The following FARP1 variants were observed in gnomAD, a reference collection of about 807,000 sequenced individuals.
FARP1 encodes the protein FERM, ARH/RhoGEF and pleckstrin domain protein 1.
Under a neutral mutation model 128.8 loss-of-function variants are expected in FARP1, and 52 were observed. That is an observed-to-expected ratio of 0.40 (90% CI 0.32 to 0.51). The LOEUF (loss-of-function observed/expected upper bound fraction) is 0.51, where lower values mean the gene tolerates loss of function less well. Ranked by LOEUF, FARP1 falls within the 20% of genes least tolerant of loss-of-function variation. The probability of loss-of-function intolerance (pLI) is 0.45; values close to 1 mark genes in which losing one functional copy is unlikely to be tolerated. For missense variants in FARP1, 1,333 were observed against 1,367.9 expected (o/e 0.97, Z 0.40); for synonymous variants, 580 against 551.8 (o/e 1.05, Z -0.72).
intron 2 of FARP1, among the ~76,000 whole-genome samples, chr13:98,227,101 C>T (rs751031400): frequency 2.2e-4 from 34 of 152,154 alleles, no homozygotes; most frequent in Non-Finnish European, 4.4e-4. Flanking sequence ...CCACCATGCC[C>T]GGCTAAGTTC....
intron 1 of FARP1, among the ~76,000 whole-genome samples, chr13:98,198,490 G>A (rs548772390): frequency 9.2e-5 from 14 of 152,260 alleles, no homozygotes; most frequent in Admixed American, 4.6e-4. Context: ...CCGGTACTTT[G>A]GGAGGCTGAG....
intron 1 of FARP1, among the ~76,000 whole-genome samples, chr13:98,156,803 C>T (rs1439446012): frequency 6.6e-6 from 1 of 152,188 alleles, no homozygotes; most frequent in Non-Finnish European, 1.5e-5. Flanking sequence ...AAGCAATCCT[C>T]CTGCCTTGGC....
chr13:98,177,129 G>T (rs1407812476), intron 1 of FARP1: 1 of 1,604,254 alleles, frequency 6.2e-7, no homozygotes, highest in Non-Finnish European at 8.5e-7. Flanking sequence ...CGCAGGCCGG[G>T]CGCTTTCTGA....
chr13:98,384,854 A>C lies in FARP1; in HGVS notation c.611+10A>C. The C allele has an allele frequency of 1.9e-6, 3 of 1,548,712 alleles. No homozygotes were observed. Among genetic ancestry groups the C allele is most frequent in the Non-Finnish European group, 2.7e-6 (3 of 1,120,356 alleles). On this transcript the variant is annotated intron_variant, in intron 7 of 26. Coordinates refer to ENST00000319562, the MANE Select transcript of FARP1 (RefSeq NM_005766.4). ...TTCACCATAACCACATGTAAGTCTC[A>C]TTCTTGGCTTCATATTCCCTCTGAG...
At chr13:98,307,718 T>C (rs1487349074) in intron 2 of FARP1, among the ~76,000 whole-genome samples, 2 of 152,204 alleles carry the variant, frequency 1.3e-5, no homozygotes, top group Non-Finnish European at 2.9e-5. Context: ...CTGCTTTGTT[T>C]AGATCTTTGC....
intron 1 of FARP1, among the ~76,000 whole-genome samples, chr13:98,170,442 C>T (rs1198260681): frequency 3.3e-5 from 5 of 152,052 alleles, no homozygotes; most frequent in Non-Finnish European, 7.4e-5. Flanking sequence ...CTGCAGCCTC[C>T]ACCTCCCGGG....
intron 2 of FARP1, among the ~76,000 whole-genome samples, chr13:98,261,453 G>A (rs543571042): frequency 2.0e-5 from 3 of 151,784 alleles, no homozygotes; most frequent in South Asian, 4.2e-4. Context: ...TCCTCCCTTC[G>A]TTGACCAGAT....
At chr13:98,429,537 A>G (rs978977359) in intron 17 of FARP1, among the ~76,000 whole-genome samples, 2 of 151,980 alleles carry the variant, frequency 1.3e-5, no homozygotes, top group African/African-American at 4.9e-5. Context: ...TCTGGAGGAC[A>G]AATTGATAGG....
intron 17 of FARP1, among the ~76,000 whole-genome samples, chr13:98,425,945 A>G (rs985281577): frequency 2.0e-5 from 3 of 152,138 alleles, no homozygotes; most frequent in Non-Finnish European, 4.4e-5. Flanking sequence ...AATCTTCCTG[A>G]ATCTTAACTG....
At chr13:98,239,653 G>A (rs1009008415) in intron 2 of FARP1, among the ~76,000 whole-genome samples, 30 of 152,166 alleles carry the variant, frequency 2.0e-4, no homozygotes, top group Non-Finnish European at 1.0e-4. Context: ...GCACCAAGTG[G>A]CCTGGGGGCA....
At chr13:98,300,387 T>C (rs1450122897) in intron 2 of FARP1, among the ~76,000 whole-genome samples, 1 of 152,186 alleles carries the variant, frequency 6.6e-6, no homozygotes, top group African/African-American at 2.4e-5. Flanking sequence ...CAACCACATC[T>C]CTATCATCGT....
intron 11 of FARP1, 108 bp from the exon 12 acceptor site, chr13:98,393,535 A>G: frequency 1.3e-6 from 1 of 785,776 alleles, no homozygotes; most frequent in Non-Finnish European, 2.2e-6. Flanking sequence ...ATCATTATTG[A>G]GGAAGGCACT....
intron 3 of FARP1, among the ~76,000 whole-genome samples, chr13:98,346,011 G>T (rs962992870): frequency 2.6e-5 from 4 of 152,166 alleles, no homozygotes; most frequent in South Asian, 4.2e-4. Context: ...TGATGAGGAA[G>T]TTAAGCCTTA....
chr13:98,155,916 A>G (rs1300387869), intron 1 of FARP1, among the ~76,000 whole-genome samples: 3 of 152,116 alleles, frequency 2.0e-5, no homozygotes, highest in Non-Finnish European at 4.4e-5. Context: ...AGGCAGTTAC[A>G]CAAAAGTGTG....
chr13:98,356,303 C>G (rs1888638357), intron 3 of FARP1, among the ~76,000 whole-genome samples: 1 of 152,120 alleles, frequency 6.6e-6, no homozygotes, highest in South Asian at 2.1e-4. Flanking sequence ...CTTACACAAA[C>G]AGGTGGTGTA....
chr13:98,413,401 G>A (rs1418247650), intron 16 of FARP1, among the ~76,000 whole-genome samples: 2 of 152,232 alleles, frequency 1.3e-5, no homozygotes, highest in Non-Finnish European at 2.9e-5. Context: ...GCTCATGCCT[G>A]TAAATCCCAG....
At chr13:98,361,047 C>G (rs1888851276) in intron 3 of FARP1, among the ~76,000 whole-genome samples, 1 of 152,188 alleles carries the variant, frequency 6.6e-6, no homozygotes, top group Admixed American at 6.5e-5. Flanking sequence ...CGCTCGCCTC[C>G]CTGTGACCCT....
intron 2 of FARP1, among the ~76,000 whole-genome samples, chr13:98,267,125 G>A (rs1385378846): frequency 2.6e-5 from 4 of 151,852 alleles, no homozygotes; most frequent in Non-Finnish European, 5.9e-5. Context: ...TTACCTAAAC[G>A]GTTTCAGCCA....
intron 24 of FARP1, among the ~76,000 whole-genome samples, chr13:98,443,827 A>AGGACTGG (rs1491062122): frequency 5.6e-4 from 4 of 7,160 alleles, no homozygotes; most frequent in African/African-American, 7.8e-4. Context: ...TTCAGCAGAC[A>AGGACTGG]GAGCGCAGAC....
Sources: gnomAD v4.1 joint callset for allele counts (sites outside exome capture counted in the v4.1 genomes callset) on GRCh38, gnomAD v4.1.1 for gene constraint, MANE v1.5 for transcripts, NCBI Gene and HGNC (gene_info 2026-07-23, HGNC 2026-07-21) for gene names.